ABHD12: variants seen among roughly 807,000 people sequenced by gnomAD.
ABHD12 encodes abhydrolase domain containing 12, lysophospholipase.
A neutral mutation model predicts 58.3 loss-of-function variants in ABHD12; 43 were observed. The ratio of observed to expected loss-of-function variants is 0.74; its 90% confidence interval spans 0.58 to 0.95. The LOEUF is 0.95. Ranked by LOEUF, ABHD12 falls within the 40% of genes least tolerant of loss-of-function variation. The pLI is 0.00. For missense variants in ABHD12, 539 were observed against 537.2 expected, an observed-to-expected ratio of 1.00 and a Z score of -0.03; for synonymous variants, 219 against 211.2, an observed-to-expected ratio of 1.04 and a Z score of -0.32.
chr20:25,308,224 C>A (rs2088781816), intron 8 of ABHD12, among the ~76,000 whole-genome samples, 179 bp from the exon 9 acceptor site: 1 of 152,218 alleles, frequency 6.6e-6, no homozygotes, highest in Non-Finnish European at 1.5e-5. Flanking sequence ...AGAGATGGCT[C>A]TGGTCACTCC....
At chr20:25,336,579 C>T (rs1012965686) in intron 2 of ABHD12, among the ~76,000 whole-genome samples, 2 of 152,166 alleles carry the variant, frequency 1.3e-5, no homozygotes, top group African/African-American at 2.4e-5. Flanking sequence ...GGCACCTCCC[C>T]AACAAAATTC....
At chr20:25,309,026 C>T (rs1304925694) in intron 7 of ABHD12, among the ~76,000 whole-genome samples, 7 of 152,212 alleles carry the variant, frequency 4.6e-5, no homozygotes, top group Non-Finnish European at 1.0e-4. Flanking sequence ...GGGACTGGGG[C>T]CCTGAGAGCA....
rs200553948 is a variant in ABHD12 at position 25,314,895 on chromosome 20, G to T, written c.619+30C>A. ...TACCGCCAGCAAGCAGTGGAATTGT[G>T]CTCAGATGCTCTTGCAAAAGAAATC... On this transcript the variant is annotated intron_variant, in intron 6 of 12. Coordinates refer to ENST00000339157, the MANE Select transcript of ABHD12 (RefSeq NM_001042472.3). 6.8e-6 allele frequency: 11 copies of T among 1,613,372 alleles called. No homozygotes were observed. In the East Asian group the frequency reaches 2.5e-4, roughly 36 times the overall value.
chr20:25,337,606 C>T (rs1284345594), intron 2 of ABHD12, among the ~76,000 whole-genome samples: 1 of 152,232 alleles, frequency 6.6e-6, no homozygotes, highest in Non-Finnish European at 1.5e-5. Flanking sequence ...GGCAATGCAC[C>T]CCACACCCTC....
chr20:25,348,446 T>TAAAAAA (rs59369733), intron 1 of ABHD12, among the ~76,000 whole-genome samples: 1 of 124,276 alleles, frequency 8.0e-6, no homozygotes. Flanking sequence ...AACCATTTGG[T>TAAAAAA]AAAAAAAAAA....
intron 1 of ABHD12, among the ~76,000 whole-genome samples, chr20:25,389,672 T>TGG (rs1219903699): frequency 3.3e-5 from 5 of 152,160 alleles, no homozygotes; most frequent in Non-Finnish European, 7.4e-5. Flanking sequence ...GCATTCATCT[T>TGG]CTACCCAATA....
rs2088778020 is a variant in ABHD12, at chr20:25,308,055, C to T, written c.788-10G>A. The T allele has an allele frequency of 1.9e-6, 3 of 1,568,776 alleles. No homozygotes were observed. Among genetic ancestry groups the T allele is most frequent in the Non-Finnish European group, 2.6e-6 (3 of 1,139,276 alleles). On this transcript the variant is annotated splice_polypyrimidine_tract_variant and intron_variant, in intron 8 of 12. Transcript: ENST00000339157. ...GCATCTGGAGGCGTCTCTAGATAAA[C>T]AAACAGGGAACTGAGAGGTAGGCAG... is the stretch of plus-strand genomic sequence containing the variant.
downstream of ABHD12, among the ~76,000 whole-genome samples, chr20:25,298,899 T>C (rs1366674618): frequency 6.6e-6 from 1 of 152,180 alleles, no homozygotes; most frequent in Non-Finnish European, 1.5e-5. Context: ...ACCATGCATC[T>C]GGGCGGGCGG....
At chr20:25,339,842 G>A in intron 1 of ABHD12, 1 of 1,084,606 alleles carries the variant, frequency 9.2e-7, no homozygotes, top group Non-Finnish European at 1.2e-6. Flanking sequence ...GGTCCTCAGA[G>A]AGCAGGAGGC....
intron 2 of ABHD12, among the ~76,000 whole-genome samples, chr20:25,325,332 G>A (rs1222534788): frequency 3.3e-5 from 5 of 152,316 alleles, no homozygotes; most frequent in Admixed American, 3.3e-4. Context: ...AGAGGCCTGG[G>A]AGGCCCGCCT....
At chr20:25,352,290 C>T (rs755015516) in intron 1 of ABHD12, among the ~76,000 whole-genome samples, 1 of 148,396 alleles carries the variant, frequency 6.7e-6, no homozygotes. Flanking sequence ...CCGCACCTGG[C>T]CTTTTATATT....
At chr20:25,356,284 C>A (rs577868286) in intron 1 of ABHD12, among the ~76,000 whole-genome samples, 1 of 152,358 alleles carries the variant, frequency 6.6e-6, no homozygotes, top group South Asian at 2.1e-4. Context: ...GGGCACAGGG[C>A]TCCTTAGGTT....
intron 1 of ABHD12, among the ~76,000 whole-genome samples, chr20:25,382,291 T>C (rs532772373): frequency 1.3e-5 from 2 of 151,924 alleles, no homozygotes; most frequent in South Asian, 4.2e-4. Flanking sequence ...TCCTGGCTCT[T>C]GGCCCCTGTT....
intron 1 of ABHD12, among the ~76,000 whole-genome samples, chr20:25,381,720 C>A (rs964700210): frequency 6.6e-5 from 10 of 151,884 alleles, no homozygotes; most frequent in Non-Finnish European, 1.3e-4. Flanking sequence ...CTCACTGCAG[C>A]CTCCACCTCC....
Position 25,340,152 on chromosome 20 carries a change from C to CTTAT in ABHD12, c.192-802_192-801insATAA, listed in dbSNP as rs961253655. On this transcript the variant is annotated intron_variant, in intron 1 of 12. Transcript: ENST00000339157. The stretch of plus-strand genomic sequence containing the variant: ...CTTTACTTCTTATTTGACAGACAGT[C>CTTAT]ATAAACAGTTTATATTTATGATGAT... Among the ~76,000 whole-genome samples, 119 of 152,254 alleles carry CTTAT rather than the reference C, an allele frequency of 7.8e-4. 1 individual carries two copies. The highest frequency in any genetic ancestry group is 2.8e-3 in the African/African-American group (115 of 41,552).
At chr20:25,352,207 G>T (rs1213167598) in intron 1 of ABHD12, among the ~76,000 whole-genome samples, 1 of 151,864 alleles carries the variant, frequency 6.6e-6, no homozygotes, top group Non-Finnish European at 1.5e-5. Flanking sequence ...GGCCAGGCTG[G>T]TCTCAAACTC....
At chr20:25,327,230 A>G (rs1188290923) in intron 2 of ABHD12, among the ~76,000 whole-genome samples, 2 of 152,240 alleles carry the variant, frequency 1.3e-5, no homozygotes. Flanking sequence ...GCACTTTGGG[A>G]GGCCGAGGTG....
intron 1 of ABHD12, among the ~76,000 whole-genome samples, chr20:25,358,051 G>A (rs760978785): frequency 4.5e-4 from 69 of 152,228 alleles, no homozygotes; most frequent in Admixed American, 2.7e-3. Flanking sequence ...TGACAGCAGG[G>A]GTGGGGGAAA....
Position 25,390,777 on chromosome 20 carries a change from C to G in ABHD12, c.-74G>C. 1 of 1,037,390 alleles carries G rather than the reference C, an allele frequency of 9.6e-7. No individual in the cohort carries two copies. Among genetic ancestry groups the G allele is most frequent in the Non-Finnish European group, 1.2e-6 (1 of 821,076 alleles). 64.3% of individuals were successfully genotyped at this position (1,037,390 alleles called of 1,614,324 possible). On this transcript the variant is annotated 5_prime_UTR_variant, in exon 1 of 13. Coordinates refer to ENST00000339157, the MANE Select transcript of ABHD12 (RefSeq NM_001042472.3). ...GCAGTGCCGCCGCTCACAGCCGCCG[C>G]CACCCAGAGCCCGGAGCCCGGAACC...
Sources: allele counts gnomAD v4.1 joint callset (sites outside exome capture counted in the v4.1 genomes callset), GRCh38; gene constraint gnomAD v4.1.1; transcripts MANE v1.5; gene names NCBI Gene and HGNC (gene_info 2026-07-23, HGNC 2026-07-21).